Variants in ACP2 observed in about 807,000 individuals in gnomAD.
ACP2 encodes the protein lysosomal acid phosphatase.
In ACP2, 35 loss-of-function variants were observed where a neutral mutation model predicts 54.7. The ratio of observed to expected loss-of-function variants is 0.64; its 90% confidence interval spans 0.49 to 0.85. ACP2 has a LOEUF of 0.85. Ranked by LOEUF, ACP2 falls within the 40% of genes least tolerant of loss-of-function variation. The pLI is 0.00. For synonymous variants in ACP2, 210 were observed against 224.4 expected, an observed-to-expected ratio of 0.94 and a Z score of 0.57; for missense variants, 492 against 565.0, an observed-to-expected ratio of 0.87 and a Z score of 1.31.
chr11:47,242,465 G>A (rs746402404), intron 10 of ACP2, among the ~76,000 whole-genome samples: 11 of 152,034 alleles, frequency 7.2e-5, no homozygotes, highest in Non-Finnish European at 1.0e-4. Flanking sequence ...CACCCTAAGC[G>A]GTGGCTTCCC....
chr11:47,248,149 G>C lies in ACP2; in HGVS notation c.115-16C>G, dbSNP rs563856413. 6.9e-6 allele frequency: 11 copies of C among 1,586,634 alleles called. No individual in the cohort carries two copies. Among genetic ancestry groups the C allele is most frequent in the Non-Finnish European group, 9.4e-6 (11 of 1,169,086 alleles). ...GGCGGTACAGCTGAGAGAATAAAAT[G>C]GTTTGCCTATAGGTCAGAAGCATCC... On this transcript the variant is annotated splice_polypyrimidine_tract_variant and intron_variant, in intron 1 of 10. Transcript: ENST00000672073.
At chr11:47,243,496 T>A (rs992615184) in intron 7 of ACP2, among the ~76,000 whole-genome samples, 175 bp from the exon 8 acceptor site, 15 of 152,210 alleles carry the variant, frequency 9.9e-5, no homozygotes, top group African/African-American at 3.6e-4. Flanking sequence ...CTCTAAGAAC[T>A]GTCAAATGTA....
At chr11:47,247,319 G>C in intron 3 of ACP2, 1 of 442,764 alleles carries the variant, frequency 2.3e-6, no homozygotes, top group Non-Finnish European at 4.2e-6. Context: ...AATGCAAAGT[G>C]CTAGCACAGT....
intron 3 of ACP2, 144 bp downstream of exon 3, chr11:47,247,497 A>G (rs1054746886): frequency 1.1e-6 from 1 of 922,800 alleles, no homozygotes; most frequent in Non-Finnish European, 1.7e-6. Context: ...TGTTCCAGAC[A>G]GCTCTCAGAT....
chr11:47,241,279 A>T (rs2135524537), intron 10 of ACP2, among the ~76,000 whole-genome samples: 1 of 152,320 alleles, frequency 6.6e-6, no homozygotes, highest in South Asian at 2.1e-4. Context: ...GCAATTTGGG[A>T]GACTAAGGCG....
chr11:47,247,041 A>AACAGCTTCCCCCATTCCTGGGGTGGGGCG (rs1384654606), intron 3 of ACP2, among the ~76,000 whole-genome samples: 12 of 152,088 alleles, frequency 7.9e-5, no homozygotes, highest in Non-Finnish European at 1.5e-4. Flanking sequence ...TAATCAGAGG[A>AACAGCTTCCCCCATTCCTGGGGTGGGGCG]ACAGCTTCCC....
chr11:47,242,699 G>T, intron 10 of ACP2, 24 bp downstream of exon 10: 1 of 1,599,678 alleles, frequency 6.3e-7, no homozygotes, highest in Middle Eastern at 1.8e-4. Context: ...GGCATGACTA[G>T]CAAGGAGGCC....
Position 47,245,737 on chromosome 11 carries a change from G to T in ACP2, c.395C>A (p.Pro132Gln). ...FPPNGMQRFN[P>Q]NISWQPIPVH... is the part of the protein sequence containing the mutation. ...AGGAATAGGCTGCCACGAGATGTTCGGGTTGAAGCGCTGCATCCCGTTGGG... is the reference window on the plus strand; with the variant it reads ...AGGAATAGGCTGCCACGAGATGTTCTGGTTGAAGCGCTGCATCCCGTTGGG... The change falls in exon 4 of 11, where the codon CCG becomes CAG. Residue 132 changes from proline to glutamine, a missense_variant. Physicochemically the swap from Pro to Gln is moderately conservative, Grantham distance 76. Transcript: ENST00000672073. 4 of 1,613,762 alleles carry T rather than the reference G, an allele frequency of 2.5e-6. No individual in the cohort carries two copies. The highest frequency in any genetic ancestry group is 3.4e-6 in the Non-Finnish European group (4 of 1,179,762).
chr11:47,244,587 G>T, intron 7 of ACP2, 148 bp downstream of exon 7: 1 of 552,506 alleles, frequency 1.8e-6, no homozygotes, highest in South Asian at 4.6e-5. Context: ...GGGAAATTTG[G>T]TGACTAGCGG....
At chr11:47,242,048 GTTC>G (rs1565161093) in intron 10 of ACP2, among the ~76,000 whole-genome samples, 1 of 152,212 alleles carries the variant, frequency 6.6e-6, no homozygotes, top group African/African-American at 2.4e-5. Flanking sequence ...TGGGTCATCC[GTTC>G]TTTAGTGAGG....
intron 10 of ACP2, among the ~76,000 whole-genome samples, chr11:47,241,399 C>T (rs1254791084): frequency 6.6e-6 from 1 of 152,150 alleles, no homozygotes; most frequent in African/African-American, 2.4e-5. Flanking sequence ...TGCCTGTAAT[C>T]CCAGCTACTC....
At chr11:47,240,401 G>A (rs1953841749) in intron 10 of ACP2, 152 bp from the exon 11 acceptor site, 2 of 585,200 alleles carry the variant, frequency 3.4e-6, no homozygotes, top group Middle Eastern at 3.4e-4. Flanking sequence ...TAATAAATAA[G>A]CAAATGGGCT....
At position 47,240,049 on chromosome 11, in the gene ACP2, C is replaced by T; in HGVS notation, c.*67G>A. ...CTCCTGTCCATGGGCTGGGGAGCAG[C>T]AACAGTCAGGAGCGAGGGCCCAGCC... On this transcript the variant is annotated 3_prime_UTR_variant, in exon 11 of 11. Coordinates refer to ENST00000672073, the MANE Select transcript of ACP2 (RefSeq NM_001610.4). The T allele has an allele frequency of 6.5e-7, 1 of 1,539,050 alleles. No homozygotes were observed. Among genetic ancestry groups the T allele is most frequent in the Admixed American group, 1.9e-5 (1 of 52,252 alleles).
Position 47,242,777 on chromosome 11 carries a change from C to T in ACP2, c.1084G>A (p.Val362Met), listed in dbSNP as rs756639898. 8.1e-6 allele frequency: 13 copies of T among 1,614,112 alleles called. No individual in the cohort carries two copies. The highest frequency in any genetic ancestry group is 1.7e-4 in the Middle Eastern group (1 of 6,060). The change falls in exon 10 of 11, where the codon GTG (valine) becomes ATG (methionine). Residue 362 changes from valine to methionine, a missense_variant. Coordinates refer to ENST00000672073, the MANE Select transcript of ACP2 (RefSeq NM_001610.4). ...QDFLRLTEPVVPKDWQQECQL... is the reference protein window; with the variant it reads ...QDFLRLTEPVMPKDWQQECQL... Reference sequence around the variant, plus strand: ...CACTCCTGCTGCCAATCCTTGGGCACGACGGGCTCTGTGAGGCGAAGGAAG... The same window carrying T: ...CACTCCTGCTGCCAATCCTTGGGCATGACGGGCTCTGTGAGGCGAAGGAAG...
chr11:47,242,594 TG>T, intron 10 of ACP2, 128 bp downstream of exon 10: 1 of 1,078,680 alleles, frequency 9.3e-7, no homozygotes, highest in East Asian at 2.4e-5. Context: ...TAAAGCAGTC[TG>T]GGGTCGGGGA....
At chr11:47,247,799 C>G (rs1278904953) in intron 2 of ACP2, 72 bp from the exon 3 acceptor site, 2 of 1,453,850 alleles carry the variant, frequency 1.4e-6, no homozygotes, top group Non-Finnish European at 1.9e-6. Flanking sequence ...GGTTTAGGCC[C>G]TGTTGCTTTC....
rs771660391 is a variant in ACP2 at position 47,245,292 on chromosome 11, C to T, written c.639+13G>A. 3 of 1,613,136 alleles carry T rather than the reference C, an allele frequency of 1.9e-6. No individual in the cohort carries two copies. Among genetic ancestry groups the T allele is most frequent in the African/African-American group, 1.3e-5 (1 of 74,978 alleles). On this transcript the variant is annotated intron_variant, in intron 6 of 10. Coordinates refer to ENST00000672073, the MANE Select transcript of ACP2 (RefSeq NM_001610.4). ...GAAAAGAATGATCACAGTGGGCACC[C>T]TAGTGGGCTCACCTCACAGAAGAGT...
At chr11:47,245,272 GAA>G (rs1368212834) in intron 6 of ACP2, 31 bp downstream of exon 6, 1 of 1,606,062 alleles carries the variant, frequency 6.2e-7, no homozygotes, top group Admixed American at 1.7e-5. Flanking sequence ...AGAGGGAAAA[GAA>G]TGATCACAGT....
chr11:47,247,030 G>A (rs1427625756), intron 3 of ACP2, among the ~76,000 whole-genome samples: 1 of 152,108 alleles, frequency 6.6e-6, no homozygotes, highest in Non-Finnish European at 1.5e-5. Flanking sequence ...GCTGACAGTG[G>A]TAATCAGAGG....
Sources: allele counts gnomAD v4.1 joint callset (sites outside exome capture counted in the v4.1 genomes callset), GRCh38; gene constraint gnomAD v4.1.1; transcripts MANE v1.5; gene names NCBI Gene and HGNC (gene_info 2026-07-23, HGNC 2026-07-21).